The following PI4KA variants were observed in gnomAD, a reference collection of about 807,000 sequenced individuals.
PI4KA encodes phosphatidylinositol 4-kinase alpha.
In PI4KA, 122 loss-of-function variants were observed where a neutral mutation model predicts 271.4. The observed-to-expected ratio is 0.45, with a 90% CI of 0.39 to 0.52. The LOEUF (loss-of-function observed/expected upper bound fraction) is 0.52. Ranked by LOEUF, PI4KA falls within the 20% of genes least tolerant of loss-of-function variation. The pLI, the probability that PI4KA is intolerant of heterozygous loss-of-function variation, is 0.00. For synonymous variants in PI4KA, 1,041 were observed against 1,078.8 expected (o/e 0.96, Z 0.69); for missense variants, 1,969 against 2,769.1 (o/e 0.71, Z 6.48).
chr22:20,781,058 T>G (rs165862), intron 19 of PI4KA, among the ~76,000 whole-genome samples: 78,775 of 151,868 alleles, frequency 0.52, 20,681 homozygotes, highest in African/African-American at 0.58. Flanking sequence ...TTCAGGATAC[T>G]TTTGAACTAC....
intron 40 of PI4KA, 122 bp from the exon 41 acceptor site, chr22:20,727,519 G>A: frequency 1.1e-6 from 1 of 939,956 alleles, no homozygotes; most frequent in Non-Finnish European, 1.6e-6. Context: ...GGTAACCATG[G>A]GGAAGATGCT....
Position 20,734,436 on chromosome 22 carries a change from G to C in PI4KA, c.3859C>G (p.Pro1287Ala), listed in dbSNP as rs1373966356. The change falls in exon 33 of 55, where the codon CCC becomes GCC. Residue 1287 changes from proline (P) to alanine (A), a missense_variant. This residue lies in a region of PI4KA where 203 missense variants were observed against 256.8 expected (regional missense o/e 0.79). Coordinates refer to ENST00000255882, the MANE Select transcript of PI4KA (RefSeq NM_058004.4). Reference protein sequence around the residue: ...LAASEASQPKPCPPEVTPHYI... With the variant: ...LAASEASQPKACPPEVTPHYI... ...TGGGGGGTCACTTCGGGGGGACAGG[G>C]TTTGGGTTGACTTGCTTCCGAGGCA... The C allele has an allele frequency of 6.2e-7, 1 of 1,610,342 alleles. No individual in the cohort carries two copies. Among genetic ancestry groups the C allele is most frequent in the Admixed American group, 1.7e-5 (1 of 59,870 alleles).
At chr22:20,717,909 G>A (rs1601323374) in intron 44 of PI4KA, 131 bp from the exon 45 acceptor site, 1 of 669,028 alleles carries the variant, frequency 1.5e-6, no homozygotes, top group East Asian at 2.8e-5. Context: ...TCCTAGCGCA[G>A]CCAGGCACCA....
chr22:20,808,379 T>C (rs1488073929), intron 9 of PI4KA, among the ~76,000 whole-genome samples: 1 of 148,554 alleles, frequency 6.7e-6, no homozygotes, highest in Non-Finnish European at 1.5e-5. Flanking sequence ...AGATCAGGAG[T>C]TCAGGAGTTC....
chr22:20,853,892 T>C (rs989923334), intron 1 of PI4KA, among the ~76,000 whole-genome samples: 2 of 149,558 alleles, frequency 1.3e-5, no homozygotes, highest in Non-Finnish European at 3.0e-5. Context: ...TTGGGCAAGA[T>C]GGTGAGACCC....
chr22:20,754,003 C>T (rs563544647), intron 23 of PI4KA, among the ~76,000 whole-genome samples: 7 of 151,904 alleles, frequency 4.6e-5, no homozygotes, highest in South Asian at 2.1e-4. Flanking sequence ...GCTCTTTCTG[C>T]ATCACGTAAG....
Position 20,813,492 on chromosome 22 carries a change from C to A in PI4KA, c.871G>T (p.Asp291Tyr). 6.2e-7 allele frequency: 1 copy of A among 1,613,860 alleles called. No homozygotes were observed. The highest frequency in any genetic ancestry group is 8.5e-7 in the Non-Finnish European group (1 of 1,179,890). The change falls in exon 8 of 55, where the codon GAT (aspartate) becomes TAT (tyrosine). Residue 291 changes from aspartate to tyrosine, a missense_variant. Around this residue, in one of 13 missense-constraint regions of PI4KA, gnomAD observed 540 missense variants for 555.5 expected, o/e 0.97. Transcript: ENST00000255882. ...TACTCAGGCTCTAGGGCAGTCCCAT[C>A]GGGCAAGCAGGAGGCTGGTGGGAGA... ...FHYFEASCLP[D>Y]GTALEPEYYF...
In PI4KA at chr22:20,806,069, T is replaced by C. The variant is rs562769255; in HGVS notation, c.1169-904A>G. 3.6e-4 allele frequency among the ~76,000 whole-genome samples: 55 copies of C among 152,176 alleles called. 1 individual carries two copies. The highest frequency in any genetic ancestry group is 6.8e-3 in the Middle Eastern group (2 of 294). ...GGGGTGGTGGGGAGGGCAGGGGTAA[T>C]CCCTGATGCCCCTTCTTAGGGAGTT... On this transcript the variant is annotated intron_variant, in intron 10 of 54. Coordinates refer to ENST00000255882, the MANE Select transcript of PI4KA (RefSeq NM_058004.4).
At chr22:20,730,974 C>T (rs1451021519) in intron 36 of PI4KA, among the ~76,000 whole-genome samples, 2 of 151,724 alleles carry the variant, frequency 1.3e-5, no homozygotes, top group South Asian at 2.1e-4. Flanking sequence ...GCCAGGAGAT[C>T]GAGGCCAGCC....
At chr22:20,760,469 T>C (rs1162107499) in intron 23 of PI4KA, among the ~76,000 whole-genome samples, 2 of 152,188 alleles carry the variant, frequency 1.3e-5, no homozygotes, top group Non-Finnish European at 2.9e-5. Context: ...ATTGGCTAAA[T>C]ACACTTTTGT....
intron 2 of PI4KA, among the ~76,000 whole-genome samples, chr22:20,836,757 G>T (rs111690207): frequency 6.6e-6 from 1 of 152,254 alleles, no homozygotes; most frequent in African/African-American, 2.4e-5. Context: ...CCGGTGGGCT[G>T]CCCTGGACAT....
chr22:20,779,920 G>A (rs889488063), intron 19 of PI4KA: 24 of 1,614,086 alleles, frequency 1.5e-5, no homozygotes, highest in South Asian at 3.3e-5. Flanking sequence ...AATCTCTTCC[G>A]TAAGCTGACT....
chr22:20,837,105 C>T (rs574032017), intron 2 of PI4KA, among the ~76,000 whole-genome samples: 1 of 152,130 alleles, frequency 6.6e-6, no homozygotes, highest in African/African-American at 2.4e-5. Context: ...AATAAACAGG[C>T]AAGCTGGGTA....
intron 32 of PI4KA, among the ~76,000 whole-genome samples, chr22:20,741,534 C>T (rs1468785187): frequency 2.6e-5 from 4 of 152,258 alleles, no homozygotes; most frequent in Admixed American, 6.5e-5. Flanking sequence ...GATACAAACC[C>T]CACGAGGTTA....
chr22:20,714,513 T>G lies in PI4KA; in HGVS notation c.5406A>C (p.Pro1802=), dbSNP rs1568946141. The G allele has an allele frequency of 1.2e-6, 2 of 1,613,652 alleles. No individual in the cohort carries two copies. The highest frequency in any genetic ancestry group is 1.1e-5 in the South Asian group (1 of 91,062). ...GCTTCACCTTGAACTTGGCCAGATA[T>G]GGGGCTTTTGCAGCACTGAAAACAA... ...GTPMQSAAKA[P]YLAKFKVKRC... Residue 1802 remains proline (P), a synonymous_variant, in exon 47 of 55, where the codon CCA becomes CCC. Transcript: ENST00000255882.
At chr22:20,721,607 TGGGGGCTGGGACCTG>T (rs1926746894) in intron 42 of PI4KA, 189 bp from the exon 43 acceptor site, 1 of 594,622 alleles carries the variant, frequency 1.7e-6, no homozygotes, top group East Asian at 2.8e-5. Context: ...TCCAGCTGGC[TGGGGGCTGGGACCTG>T]GGGGGCAGGG....
At chr22:20,765,751 C>A (rs1932465969) in intron 19 of PI4KA, 58 bp from the exon 20 acceptor site, 3 of 1,117,472 alleles carry the variant, frequency 2.7e-6, no homozygotes, top group South Asian at 2.5e-5. Flanking sequence ...ACCCTAAGCC[C>A]TGTAGGTGTA....
At chr22:20,714,020 A>G (rs1237298606) in intron 47 of PI4KA, among the ~76,000 whole-genome samples, 1 of 152,200 alleles carries the variant, frequency 6.6e-6, no homozygotes, top group Non-Finnish European at 1.5e-5. Flanking sequence ...ATGGGAGTGG[A>G]GCATCTGCAG....
intron 43 of PI4KA, among the ~76,000 whole-genome samples, chr22:20,720,967 C>T (rs546125315): frequency 4.6e-5 from 7 of 152,174 alleles, no homozygotes; most frequent in Admixed American, 6.5e-5. Flanking sequence ...ATTTGGGAAC[C>T]GCTGCCCTGG....
Sources: gnomAD v4.1 joint callset for allele counts (sites outside exome capture counted in the v4.1 genomes callset) on GRCh38, gnomAD v4.1.1 for gene constraint, gnomAD v4.1.1 regional missense constraint, MANE v1.5 for transcripts, NCBI Gene and HGNC (gene_info 2026-07-23, HGNC 2026-07-21) for gene names.